The following CD22 variants were observed in gnomAD, a reference collection of about 807,000 sequenced individuals.
CD22 encodes the protein B-cell receptor CD22.
CD22 carries 51 observed loss-of-function variants against 94.7 expected under a neutral mutation model. That is an observed-to-expected ratio of 0.54 (90% CI 0.43 to 0.68). The LOEUF (loss-of-function observed/expected upper bound fraction) is 0.68. CD22 is among the 30% of genes least tolerant of loss of function. CD22 has a pLI of 0.00. For missense variants in CD22, 931 were observed against 1,060.4 expected (o/e 0.88, Z 1.69); for synonymous variants, 424 against 422.5 (o/e 1.00, Z -0.04).
chr19:35,336,061 G>A lies in CD22; in HGVS notation c.438G>A (p.Gln146=). The A allele has an allele frequency of 6.2e-7, 1 of 1,613,830 alleles. No individual in the cohort carries two copies. The highest frequency in any genetic ancestry group is 8.5e-7 in the Non-Finnish European group (1 of 1,179,860). The change falls in exon 4 of 14, where the codon CAG becomes CAA. Residue 146 remains glutamine, a synonymous_variant. Coordinates refer to ENST00000085219, the MANE Select transcript of CD22 (RefSeq NM_001771.4). The part of the protein sequence containing the change: ...VSERPFPPHI[Q]LPPEIQESQE... ...AAAGGCCTTTTCCACCTCATATCCA[G>A]CTCCCTCCAGAAATTCAAGAGTCCC... is the stretch of plus-strand genomic sequence containing the variant.
intron 1 of CD22, chr19:35,330,589 G>A (rs2066630902): frequency 6.6e-6 from 1 of 152,248 alleles, no homozygotes. Flanking sequence ...AGCAGCCTTT[G>A]GCATGAGCCA....
At chr19:35,343,644 G>A (rs1300568749) in intron 9 of CD22, among the ~76,000 whole-genome samples, 1 of 152,142 alleles carries the variant, frequency 6.6e-6, no homozygotes, top group Non-Finnish European at 1.5e-5. Flanking sequence ...CACTTTGAGA[G>A]GCCATGGTGG....
At position 35,344,888 on chromosome 19, in the gene CD22, C is replaced by T. The variant is rs2066877535; in HGVS notation, c.2095C>T (p.Leu699Phe). Residue 699 changes from leucine to phenylalanine, a missense_variant, in exon 10 of 14, where the codon CTC becomes TTC. Leu to Phe is a conservative substitution (Grantham distance 22). Transcript: ENST00000085219. ...GGGACTCGGGTCCTGCCTCGCCATC[C>T]TCATCCTGGCAATCTGTGGGCTCAA... ...AVGLGSCLAI[L>F]ILAICGLKLQ... The T allele has an allele frequency of 6.2e-7, 1 of 1,614,110 alleles. No individual in the cohort carries two copies. Among genetic ancestry groups the T allele is most frequent in the Non-Finnish European group, 8.5e-7 (1 of 1,179,976 alleles).
At chr19:35,336,803 C>T (rs2145658361) in intron 4 of CD22, 2 of 177,610 alleles carry the variant, frequency 1.1e-5, no homozygotes, top group East Asian at 3.0e-4. Flanking sequence ...CAAAGAAATA[C>T]AGAGCATGAG....
chr19:35,338,791 G>A (rs147932291), intron 6 of CD22, among the ~76,000 whole-genome samples: 1,692 of 152,048 alleles, frequency 0.011, 28 homozygotes, highest in African/African-American at 0.039. Context: ...CACCACGCCC[G>A]GCTAATTATT....
In CD22 at chr19:35,337,511, C is replaced by G. The variant is rs140974460; in HGVS notation, c.719-244C>G. ...TTCTATGCAAAGCACAGAACCCGCT[C>G]GTGGTTTCCAGCAGGATTGGCGAGG... On this transcript the variant is annotated intron_variant, in intron 4 of 13. Transcript: ENST00000085219. This position sits in a 1 kb window ranked among gnomAD's most constrained non-coding sequence, Gnocchi z 4.4. Among the ~76,000 whole-genome samples, 5 of 152,068 alleles carry G rather than the reference C, an allele frequency of 3.3e-5. No homozygotes were observed. The highest frequency in any genetic ancestry group is 7.4e-5 in the Non-Finnish European group (5 of 68,022).
chr19:35,341,479 G>C lies in CD22; in HGVS notation c.1644G>C (p.Arg548Ser). Residue 548 changes from arginine to serine, a missense_variant, in exon 8 of 14, where the codon AGG (arginine) becomes AGC (serine). Physicochemically the swap from Arg to Ser is moderately radical, Grantham distance 110. Coordinates refer to ENST00000085219, the MANE Select transcript of CD22 (RefSeq NM_001771.4). The surrounding 1 kb of genome is among the most constrained non-coding windows in gnomAD (Gnocchi z 4.0). ...EVQFFWEKNGRLLGKESQLNF... is the reference protein window; with the variant it reads ...EVQFFWEKNGSLLGKESQLNF... The stretch of plus-strand genomic sequence containing the variant: ...AGTTCTTCTGGGAGAAAAATGGCAG[G>C]CTTCTGGGGAAAGAAAGCCAGCTGA... 1 of 1,614,156 alleles carries C rather than the reference G, an allele frequency of 6.2e-7. No homozygotes were observed. The highest frequency in any genetic ancestry group is 2.2e-5 in the East Asian group (1 of 44,886).
chr19:35,336,532 G>C, intron 4 of CD22, 191 bp downstream of exon 4: 1 of 587,614 alleles, frequency 1.7e-6, no homozygotes, highest in Non-Finnish European at 3.0e-6. Flanking sequence ...GAATAAAATG[G>C]TCCATCCTCA....
In CD22 at chr19:35,346,820, A is replaced by ACACACACACACACACG. The variant is rs1555771107; in HGVS notation, c.*138_*139insGCACACACACACACAC. The ACACACACACACACACG allele has an allele frequency of 2.8e-5, 12 of 426,206 alleles. No homozygotes were observed. The highest frequency in any genetic ancestry group is 2.3e-4 in the African/African-American group (12 of 51,502). The allele number at this position is 426,206 out of a possible 1,614,324, so 26.4% of individuals were successfully genotyped here. A position where few individuals can be genotyped will look rare whatever the true frequency, so the allele number is the denominator to read the frequency against. ...TGTGCGCACACACACACACACACGC[A>ACACACACACACACACG]CACACACACACACACACTCACTGCG... is the stretch of plus-strand genomic sequence containing the variant. On this transcript the variant is annotated 3_prime_UTR_variant, in exon 14 of 14. Transcript: ENST00000085219.
At chr19:35,336,406 G>C (rs1359340575) in intron 4 of CD22, 65 bp downstream of exon 4, 16 of 1,509,028 alleles carry the variant, frequency 1.1e-5, no homozygotes, top group Non-Finnish European at 1.2e-5. Context: ...CAGCCCCGCA[G>C]GGGGCATGCA....
intron 9 of CD22, among the ~76,000 whole-genome samples, chr19:35,343,776 TAAC>T (rs557915752): frequency 9.2e-5 from 14 of 151,718 alleles, no homozygotes; most frequent in Non-Finnish European, 1.6e-4. Context: ...AACAAAACAA[TAAC>T]AACAACAAAA....
Position 35,347,112 on chromosome 19 carries a change from C to G in CD22, c.*415C>G, listed in dbSNP as rs1246616102. 6.2e-6 allele frequency: 1 copy of G among 162,186 alleles called. No individual in the cohort carries two copies. The highest frequency in any genetic ancestry group is 1.4e-5 in the Non-Finnish European group (1 of 73,722). 10.0% of individuals were successfully genotyped at this position (162,186 alleles called of 1,614,324 possible). On this transcript the variant is annotated 3_prime_UTR_variant, in exon 14 of 14. Coordinates refer to ENST00000085219, the MANE Select transcript of CD22 (RefSeq NM_001771.4). ...GCCCTCTACCCCTGATCTGACATCC[C>G]CACTCACGAATATTATGCCCAGTTT... is the stretch of plus-strand genomic sequence containing the variant.
chr19:35,331,664 C>T, intron 1 of CD22: 1 of 235,042 alleles, frequency 4.3e-6, no homozygotes, highest in Non-Finnish European at 8.5e-6. Flanking sequence ...GCCAGGCCAA[C>T]ATGGTGAAAC....
chr19:35,339,398 C>CT (rs2066773458), intron 6 of CD22, among the ~76,000 whole-genome samples: 1 of 150,180 alleles, frequency 6.7e-6, no homozygotes, highest in Non-Finnish European at 1.5e-5. Flanking sequence ...CCCATCTCTA[C>CT]AAAAAAAAAT....
At chr19:35,344,967 C>G (rs1258506434) in intron 10 of CD22, 42 bp downstream of exon 10, 3 of 1,593,076 alleles carry the variant, frequency 1.9e-6, no homozygotes, top group Non-Finnish European at 2.6e-6. Context: ...TATCCCTTGG[C>G]AGAGGCCCGT....
intron 2 of CD22, 122 bp downstream of exon 2, chr19:35,332,196 G>C (rs2145646524): frequency 1.9e-6 from 2 of 1,033,138 alleles, no homozygotes; most frequent in Non-Finnish European, 3.0e-6. Flanking sequence ...GGTGTGTATA[G>C]ATAAATGTAC....
intron 9 of CD22, among the ~76,000 whole-genome samples, chr19:35,343,990 G>T (rs35499216): frequency 0.12 from 17,954 of 152,216 alleles, 1,362 homozygotes; most frequent in African/African-American, 0.22. Context: ...TTGAGGCCAG[G>T]AGTTCCAGAC....
intron 11 of CD22, 168 bp downstream of exon 11, chr19:35,345,294 G>A (rs2066886630): frequency 3.2e-6 from 2 of 625,902 alleles, no homozygotes; most frequent in Non-Finnish European, 5.6e-6. Flanking sequence ...GATGGTCCAT[G>A]CCTGTAATTC....
intron 9 of CD22, among the ~76,000 whole-genome samples, chr19:35,342,692 C>G (rs1381177381): frequency 5.9e-5 from 9 of 152,170 alleles, no homozygotes; most frequent in Non-Finnish European, 1.5e-5. Flanking sequence ...CTCTAGGGTC[C>G]CCTCTCAGGC....
Sources: gnomAD v4.1 joint callset for allele counts (sites outside exome capture counted in the v4.1 genomes callset) on GRCh38, gnomAD v4.1.1 for gene constraint, Gnocchi (gnomAD v3.1) non-coding constraint, MANE v1.5 for transcripts, NCBI Gene and HGNC (gene_info 2026-07-23, HGNC 2026-07-21) for gene names.